The following SLC16A10 variants were observed in gnomAD, a reference collection of about 807,000 sequenced individuals.
SLC16A10 encodes the protein solute carrier family 16 member 10, also known as monocarboxylate transporter 10.
A neutral mutation model predicts 40.0 loss-of-function variants in SLC16A10; 27 were observed. The ratio of observed to expected loss-of-function variants is 0.67; its 90% confidence interval spans 0.50 to 0.93. SLC16A10 has a LOEUF of 0.93. SLC16A10 is among the 40% of genes least tolerant of loss of function. The pLI is 0.00. For missense variants in SLC16A10, 529 were observed against 658.2 expected, an observed-to-expected ratio of 0.80 and a Z score of 2.15; for synonymous variants, 213 against 249.8, an observed-to-expected ratio of 0.85 and a Z score of 1.39.
chr6:111,181,170 G>A (rs1027799340), intron 3 of SLC16A10, among the ~76,000 whole-genome samples: 6 of 150,180 alleles, frequency 4.0e-5, no homozygotes, highest in Admixed American at 1.3e-4. Flanking sequence ...AGCTGAGACC[G>A]CGCCATTGCA....
intron 1 of SLC16A10, among the ~76,000 whole-genome samples, chr6:111,170,797 A>G (rs1173804106): frequency 6.6e-6 from 1 of 152,244 alleles, no homozygotes; most frequent in Non-Finnish European, 1.5e-5. Context: ...GAATGAAATT[A>G]AATGATTAGA....
chr6:111,211,531 G>A (rs1437695416), intron 4 of SLC16A10, among the ~76,000 whole-genome samples: 10 of 152,228 alleles, frequency 6.6e-5, no homozygotes, highest in Non-Finnish European at 5.9e-5. Context: ...AGCATCGTTT[G>A]TGGCACCCAG....
At chr6:111,160,036 A>T (rs1772342262) in intron 1 of SLC16A10, among the ~76,000 whole-genome samples, 1 of 152,126 alleles carries the variant, frequency 6.6e-6, no homozygotes, top group African/African-American at 2.4e-5. Flanking sequence ...CTTACTAGAT[A>T]TGTAATTTGC....
At chr6:111,124,596 C>T (rs757032730) in intron 1 of SLC16A10, among the ~76,000 whole-genome samples, 23 of 152,242 alleles carry the variant, frequency 1.5e-4, no homozygotes, top group African/African-American at 4.8e-4. Context: ...CTCCTGGGCT[C>T]GGGCCATCTG....
At chr6:111,165,731 G>A (rs879286873) in intron 1 of SLC16A10, among the ~76,000 whole-genome samples, 6 of 152,196 alleles carry the variant, frequency 3.9e-5, no homozygotes, top group African/African-American at 1.4e-4. Context: ...TTTAAAGATA[G>A]CTCAGAGAAA....
chr6:111,127,862 G>A (rs961682909), intron 1 of SLC16A10, among the ~76,000 whole-genome samples: 15 of 152,198 alleles, frequency 9.9e-5, no homozygotes, highest in African/African-American at 3.4e-4. Flanking sequence ...GGATTAGGAA[G>A]TAGTGGGGGT....
Position 111,223,954 on chromosome 6 carries a change from A to AT in SLC16A10, c.*1721dup, listed in dbSNP as rs1770947146. 1 of 152,190 alleles carries AT rather than the reference A, an allele frequency of 6.6e-6. No individual in the cohort carries two copies. Among genetic ancestry groups the AT allele is most frequent in the South Asian group, 2.1e-4 (1 of 4,826 alleles). The allele number at this position is 152,190 out of a possible 1,614,324, so 9.4% of individuals were successfully genotyped here. On this transcript the variant is annotated 3_prime_UTR_variant, in exon 6 of 6. Transcript: ENST00000368851. ...GTCTCTACTAAAAATAAAAAAAAAA[A>AT]TTAGGCCAAGCATAGTGGCTCATGC...
chr6:111,130,528 C>G (rs984740260), intron 1 of SLC16A10, among the ~76,000 whole-genome samples: 2 of 152,142 alleles, frequency 1.3e-5, no homozygotes, highest in African/African-American at 4.8e-5. Flanking sequence ...CAGCACTAGA[C>G]ATTCTGTTAT....
At chr6:111,132,692 C>T (rs1771805569) in intron 1 of SLC16A10, among the ~76,000 whole-genome samples, 1 of 152,196 alleles carries the variant, frequency 6.6e-6, no homozygotes, top group African/African-American at 2.4e-5. Flanking sequence ...CTGAAAATTC[C>T]CTTAACCCAG....
At chr6:111,156,515 C>T (rs1200743306) in intron 1 of SLC16A10, among the ~76,000 whole-genome samples, 2 of 152,182 alleles carry the variant, frequency 1.3e-5, no homozygotes, top group African/African-American at 2.4e-5. Flanking sequence ...TAGCCCTAGA[C>T]TAATCATGGG....
At chr6:111,167,351 C>T (rs77562843) in intron 1 of SLC16A10, among the ~76,000 whole-genome samples, 173 of 152,300 alleles carry the variant, frequency 1.1e-3, no homozygotes, top group African/African-American at 4.0e-3. Flanking sequence ...TGAGCAAGGG[C>T]AAGTGTCCCT....
rs552141883 is a variant in SLC16A10, at chr6:111,217,437, T to TTTG, written c.1087-1350_1087-1348dup. ...CTGCTGACTAGTGAATTGTTCAGTT[T>TTTG]TTGTTGTTGTTGTTGTTGTTGTTGT... On this transcript the variant is annotated intron_variant, in intron 4 of 5. Transcript: ENST00000368851. 4.6e-3 allele frequency among the ~76,000 whole-genome samples: 635 copies of TTTG among 138,610 alleles called. 1 individual carries two copies. The highest frequency in any genetic ancestry group is 4.0e-3 in the African/African-American group (149 of 37,692). 90.9% of individuals were successfully genotyped at this position (138,610 alleles called of 152,430 possible).
At chr6:111,219,177 C>T (rs1583369904) in intron 5 of SLC16A10, 135 bp downstream of exon 5, 1 of 769,758 alleles carries the variant, frequency 1.3e-6, no homozygotes, top group East Asian at 2.7e-5. Flanking sequence ...GTGTGCCTTA[C>T]TGGTAACATT....
chr6:111,120,708 AT>A (rs1771568146), intron 1 of SLC16A10, among the ~76,000 whole-genome samples: 1 of 152,180 alleles, frequency 6.6e-6, no homozygotes, highest in South Asian at 2.1e-4. Context: ...GATACTGTAG[AT>A]TATTTGGCTG....
In SLC16A10 at chr6:111,159,537, A is replaced by G. The variant is rs566065583; in HGVS notation, c.344-13158A>G. On this transcript the variant is annotated intron_variant, in intron 1 of 5. Coordinates refer to ENST00000368851, the MANE Select transcript of SLC16A10 (RefSeq NM_018593.5). ...TTTGTTTATCTAATCACTTATTTAT[A>G]GACATTTGGGTTCTTTCTGTTTTTT... Among the ~76,000 whole-genome samples, 4 of 152,322 alleles carry G rather than the reference A, an allele frequency of 2.6e-5. No homozygotes were observed. The South Asian group carries it at 8.3e-4, about 32-fold the overall frequency.
chr6:111,103,875 A>G (rs1372829515), intron 1 of SLC16A10, among the ~76,000 whole-genome samples: 3 of 152,166 alleles, frequency 2.0e-5, no homozygotes, highest in Middle Eastern at 3.2e-3. Flanking sequence ...GTGGTTTACT[A>G]TGTATTTCAG....
chr6:111,163,994 T>A (rs1209428612), intron 1 of SLC16A10, among the ~76,000 whole-genome samples: 1 of 152,214 alleles, frequency 6.6e-6, no homozygotes, highest in African/African-American at 2.4e-5. Flanking sequence ...AAATTTTTGT[T>A]AAAGAGTAGA....
At chr6:111,180,585 A>T (rs539923912) in intron 3 of SLC16A10, among the ~76,000 whole-genome samples, 2 of 152,084 alleles carry the variant, frequency 1.3e-5, no homozygotes, top group South Asian at 4.2e-4. Context: ...GGAAGAACAG[A>T]TTGAACAATT....
At position 111,222,221 on chromosome 6, in the gene SLC16A10, G is replaced by T; in HGVS notation, c.1534G>T (p.Asp512Tyr). The change falls in exon 6 of 6, where the codon GAC (aspartate) becomes TAC (tyrosine). Residue 512 changes from aspartate to tyrosine, a missense_variant. Asp to Tyr is a radical substitution (Grantham distance 160). Coordinates refer to ENST00000368851, the MANE Select transcript of SLC16A10 (RefSeq NM_018593.5). ...ATCTGGAATGTTCAAGAAAGAATCT[G>T]ACTCTATTATTTAATATCTTACATA... ...SSSGMFKKES[D>Y]SII The T allele has an allele frequency of 6.2e-7, 1 of 1,602,556 alleles. No homozygotes were observed. The highest frequency in any genetic ancestry group is 1.1e-5 in the South Asian group (1 of 88,388).
Sources: gnomAD v4.1 joint callset for allele counts (sites outside exome capture counted in the v4.1 genomes callset) on GRCh38, gnomAD v4.1.1 for gene constraint, MANE v1.5 for transcripts, NCBI Gene and HGNC (gene_info 2026-07-23, HGNC 2026-07-21) for gene names.